The following CYP7B1 variants were observed in gnomAD, a reference collection of about 807,000 sequenced individuals.
CYP7B1 encodes cytochrome P450 7B1.
Under a neutral mutation model 42.7 loss-of-function variants are expected in CYP7B1, and 29 were observed. The ratio of observed to expected loss-of-function variants is 0.68; its 90% CI spans 0.51 to 0.93. The LOEUF (loss-of-function observed/expected upper bound fraction) is 0.93, where lower values mean the gene tolerates loss of function less well. CYP7B1 is among the 40% of genes least tolerant of loss of function. CYP7B1 has a pLI of 0.00. For missense variants in CYP7B1, 655 were observed against 600.5 expected (o/e 1.09, Z -0.95); for synonymous variants, 235 against 218.2 (o/e 1.08, Z -0.68).
At chr8:64,763,162 A>T (rs1208133702) in intron 1 of CYP7B1, among the ~76,000 whole-genome samples, 6 of 152,086 alleles carry the variant, frequency 3.9e-5, no homozygotes, top group Admixed American at 6.6e-5. Flanking sequence ...TGTGCTCCTG[A>T]TCCAGCAAGG....
intron 1 of CYP7B1, among the ~76,000 whole-genome samples, chr8:64,745,017 T>C (rs887590186): frequency 6.6e-6 from 1 of 152,168 alleles, no homozygotes; most frequent in Non-Finnish European, 1.5e-5. Context: ...CTTTTGTAGA[T>C]TTGTTGGAGA....
chr8:64,740,587 T>C (rs1231429773), intron 1 of CYP7B1, among the ~76,000 whole-genome samples: 1 of 150,944 alleles, frequency 6.6e-6, no homozygotes, highest in African/African-American at 2.4e-5. Context: ...ATAAATTTGA[T>C]AAATCTCTAG....
chr8:64,673,404 T>C (rs1269078424), intron 1 of CYP7B1, among the ~76,000 whole-genome samples: 4 of 152,136 alleles, frequency 2.6e-5, no homozygotes, highest in Non-Finnish European at 5.9e-5. Flanking sequence ...GACTTTCCAC[T>C]GTGAACAAGA....
At chr8:64,759,002 T>C (rs1233237550) in intron 1 of CYP7B1, among the ~76,000 whole-genome samples, 2 of 152,180 alleles carry the variant, frequency 1.3e-5, no homozygotes, top group African/African-American at 4.8e-5. Flanking sequence ...AGTGATTGTG[T>C]TGATGACCAA....
intron 1 of CYP7B1, among the ~76,000 whole-genome samples, chr8:64,679,607 G>A (rs535003752): frequency 6.6e-6 from 1 of 152,034 alleles, no homozygotes; most frequent in African/African-American, 2.4e-5. Context: ...TATGTGAAAG[G>A]GAACAGAAAA....
chr8:64,709,677 T>C (rs954821180), intron 1 of CYP7B1, among the ~76,000 whole-genome samples: 9 of 152,212 alleles, frequency 5.9e-5, no homozygotes, highest in Admixed American at 6.5e-5. Flanking sequence ...AGGGCTAATC[T>C]GGATGGAATC....
chr8:64,756,250 T>A (rs1350646901), intron 1 of CYP7B1, among the ~76,000 whole-genome samples: 1 of 152,212 alleles, frequency 6.6e-6, no homozygotes, highest in Non-Finnish European at 1.5e-5. Context: ...TCCAATGAGA[T>A]GATTTTGGAG....
At chr8:64,699,952 C>G (rs1201526295) in intron 1 of CYP7B1, among the ~76,000 whole-genome samples, 1 of 152,096 alleles carries the variant, frequency 6.6e-6, no homozygotes, top group East Asian at 1.9e-4. Context: ...TAATTCCCAA[C>G]ACCTTTTCAG....
chr8:64,621,442 A>G (rs955096642), intron 2 of CYP7B1, among the ~76,000 whole-genome samples: 2 of 152,320 alleles, frequency 1.3e-5, no homozygotes, highest in African/African-American at 4.8e-5. Flanking sequence ...TCTGGCCTCA[A>G]AAGTTGAGTC....
chr8:64,679,264 A>G (rs552427061), intron 1 of CYP7B1, among the ~76,000 whole-genome samples: 1 of 152,262 alleles, frequency 6.6e-6, no homozygotes, highest in African/African-American at 2.4e-5. Context: ...ACTTCCCTAT[A>G]TAACTTATTT....
At position 64,770,819 on chromosome 8, in the gene CYP7B1, C is replaced by T. The variant is rs374608841; in HGVS notation, c.122+27647G>A. Among the ~76,000 whole-genome samples the T allele has an allele frequency of 1.8e-4, 28 of 152,230 alleles. No individual in the cohort carries two copies. The East Asian group carries it at 1.9e-3, about 10-fold the overall frequency. On this transcript the variant is annotated intron_variant, in intron 1 of 5. Transcript: ENST00000310193. ...AATCTATCCAGGGGAAATCTAAACA[C>T]GCTTTCCCTTCCCCATAAATATCCC...
chr8:64,735,674 G>A (rs560453417), intron 1 of CYP7B1, among the ~76,000 whole-genome samples: 2 of 152,018 alleles, frequency 1.3e-5, no homozygotes, highest in African/African-American at 4.8e-5. Context: ...GGAAGGGGGA[G>A]GTCCCAGCAA....
rs1805031183 is a variant in CYP7B1, at chr8:64,591,406, T to C, written c.*5236A>G. ...TAGTTTGCAAGATTGGCAAATTTAA[T>C]AGGTTAAAAAATGCACATTCTAAGG... On this transcript the variant is annotated 3_prime_UTR_variant, in exon 6 of 6. Transcript: ENST00000310193. 1.3e-5 allele frequency among the ~76,000 whole-genome samples: 2 copies of C among 152,204 alleles called. 1 individual carries two copies. Among genetic ancestry groups the C allele is most frequent in the South Asian group, 4.1e-4 (2 of 4,836 alleles).
At chr8:64,643,151 A>ATATACATATATACATATT in intron 1 of CYP7B1, among the ~76,000 whole-genome samples, 1 of 119,320 alleles carries the variant, frequency 8.4e-6, no homozygotes, top group East Asian at 2.4e-4. Flanking sequence ...ATATACATAT[A>ATATACATATATACATATT]TACATATATA....
chr8:64,600,123 A>T (rs1805179559), intron 5 of CYP7B1, among the ~76,000 whole-genome samples: 1 of 152,242 alleles, frequency 6.6e-6, no homozygotes, highest in Non-Finnish European at 1.5e-5. Flanking sequence ...TGAGTAAATA[A>T]ATATGTAGAG....
intron 1 of CYP7B1, among the ~76,000 whole-genome samples, chr8:64,640,472 G>GT (rs1805836123): frequency 1.3e-5 from 2 of 152,086 alleles, no homozygotes; most frequent in Admixed American, 6.6e-5. Flanking sequence ...CTTAGATATT[G>GT]TTGGCAATTT....
chr8:64,784,641 T>C (rs1804491473), intron 1 of CYP7B1, among the ~76,000 whole-genome samples: 1 of 152,188 alleles, frequency 6.6e-6, no homozygotes, highest in Non-Finnish European at 1.5e-5. Flanking sequence ...AGATGGAGCC[T>C]AGATTCAAAT....
In CYP7B1 at chr8:64,616,205, T is replaced by G; in HGVS notation, c.336A>C (p.Arg112=). The G allele has an allele frequency of 6.2e-7, 1 of 1,611,506 alleles. No individual in the cohort carries two copies. The highest frequency in any genetic ancestry group is 8.5e-7 in the Non-Finnish European group (1 of 1,178,732). The change falls in exon 3 of 6, where the codon CGA becomes CGC. Residue 112 remains arginine, a synonymous_variant. Coordinates refer to ENST00000310193, the MANE Select transcript of CYP7B1 (RefSeq NM_004820.5). ...TCTCTAATAATTTATTAGAAAATAC[T>G]CGAAAGCTTAATTGTTTATGATTTT... is the stretch of plus-strand genomic sequence containing the variant. ...VIKNHKQLSF[R]VFSNKLLEKA...
intron 5 of CYP7B1, among the ~76,000 whole-genome samples, chr8:64,601,194 A>G (rs758424301): frequency 2.0e-5 from 3 of 152,188 alleles, no homozygotes; most frequent in Non-Finnish European, 4.4e-5. Context: ...TAATCATTTT[A>G]TTATCTCAAC....
Sources: allele counts gnomAD v4.1 joint callset (sites outside exome capture counted in the v4.1 genomes callset), GRCh38; gene constraint gnomAD v4.1.1; transcripts MANE v1.5; gene names NCBI Gene and HGNC (gene_info 2026-07-23, HGNC 2026-07-21).